GPC3: variants seen among roughly 807,000 people sequenced by gnomAD.
The protein encoded by GPC3 is glypican 3, also known as glypican-3.
In GPC3, 3 loss-of-function variants were observed where a neutral mutation model predicts 34.4. The observed-to-expected ratio is 0.09, with a 90% CI of 0.04 to 0.23. GPC3 has a LOEUF of 0.23. Among genes scored for constraint, GPC3 ranks in the 10% least tolerant of loss-of-function variants. The probability of loss-of-function intolerance (pLI) is 1.00; values close to 1 mark genes in which losing one functional copy is unlikely to be tolerated. For missense variants in GPC3, 351 were observed against 445.6 expected (o/e 0.79, Z 1.91); for synonymous variants, 177 against 174.0 (o/e 1.02, Z -0.13).
chrX:133,929,859 T>C (rs1167319585), intron 2 of GPC3, among the ~76,000 whole-genome samples: 1 of 112,010 alleles, frequency 8.9e-6, no homozygotes, highest in Non-Finnish European at 1.9e-5. Context: ...CACATGTTCT[T>C]TTCTATCAAA....
intron 1 of GPC3, among the ~76,000 whole-genome samples, chrX:133,959,944 T>C (rs1276413286): frequency 8.9e-6 from 1 of 111,807 alleles, no homozygotes; most frequent in Non-Finnish European, 1.9e-5. Context: ...TTAAAATGAG[T>C]GCATCTTATT....
intron 4 of GPC3, among the ~76,000 whole-genome samples, chrX:133,693,156 AGTGTGTGTGTGTGTGTGTGT>A (rs57735935): frequency 7.8e-5 from 7 of 89,400 alleles, no homozygotes; most frequent in African/African-American, 1.2e-4. Context: ...TAATAAGACA[AGTGTGTGTGTGTGTGTGTGT>A]GTGTGTGTGT....
chrX:133,659,079 T>C (rs1385779095), intron 6 of GPC3, among the ~76,000 whole-genome samples: 2 of 112,433 alleles, frequency 1.8e-5, no homozygotes, highest in Non-Finnish European at 3.8e-5. Flanking sequence ...GTCATGCACA[T>C]GCAATTACAT....
intron 2 of GPC3, among the ~76,000 whole-genome samples, chrX:133,826,747 A>G (rs1172282639): frequency 8.9e-6 from 1 of 111,925 alleles, no homozygotes; most frequent in East Asian, 2.8e-4. Context: ...ACACATCATA[A>G]TGAAACCTTT....
chrX:133,548,046 G>A (rs1321967339), intron 7 of GPC3, among the ~76,000 whole-genome samples: 2 of 111,058 alleles, frequency 1.8e-5, no homozygotes, highest in African/African-American at 3.3e-5. Context: ...AGGCTGCTAC[G>A]CTGAAACTGT....
chrX:133,677,227 C>G (rs1266585933), intron 5 of GPC3, among the ~76,000 whole-genome samples: 1 of 111,698 alleles, frequency 9.0e-6, no homozygotes, highest in Non-Finnish European at 1.9e-5. Flanking sequence ...TCCAATAATA[C>G]CTGGAGGAGT....
At chrX:133,570,808 A>G (rs985815745) in intron 7 of GPC3, among the ~76,000 whole-genome samples, 1 of 111,112 alleles carries the variant, frequency 9.0e-6, no homozygotes, top group African/African-American at 3.3e-5. Context: ...GGCCATCTTT[A>G]TATTGTTATA....
At chrX:133,882,547 G>A (rs1399500722) in intron 2 of GPC3, among the ~76,000 whole-genome samples, 3 of 111,307 alleles carry the variant, frequency 2.7e-5, no homozygotes, top group African/African-American at 9.8e-5. Context: ...GTGTGTGTGT[G>A]TGTGTGTGTG....
chrX:133,795,640 T>C (rs1465026167), intron 2 of GPC3, among the ~76,000 whole-genome samples: 3 of 111,967 alleles, frequency 2.7e-5, no homozygotes, highest in Non-Finnish European at 5.6e-5. Flanking sequence ...TAAATACCTA[T>C]GGACTCAAAA....
rs773144223 is a variant in GPC3, at chrX:133,985,431, T to A, written c.19A>T (p.Thr7Ser). The stretch of plus-strand genomic sequence containing the variant: ...AGCATCGCCACCACCAAGCACGCGG[T>A]GCGCACGGTCCCGGCCATCCTGCTT... The part of the protein sequence containing the change: MAGTVR[T>S]ACLVVAMLLS... Residue 7 changes from threonine to serine, a missense_variant, in exon 1 of 8, where the codon ACC (threonine) becomes TCC (serine). Transcript: ENST00000370818. 8.5e-7 allele frequency: 1 copy of A among 1,173,637 alleles called. No individual in the cohort carries two copies. Among genetic ancestry groups the A allele is most frequent in the African/African-American group, 1.8e-5 (1 of 56,380 alleles).
chrX:133,891,639 A>G (rs188408936), intron 2 of GPC3, among the ~76,000 whole-genome samples: 1,844 of 107,259 alleles, frequency 0.017, 24 homozygotes, highest in South Asian at 0.03. Flanking sequence ...TAAATAAATA[A>G]TTATTATAAT....
At chrX:133,959,364 C>T (rs779960206) in intron 1 of GPC3, among the ~76,000 whole-genome samples, 54 of 112,557 alleles carry the variant, frequency 4.8e-4, no homozygotes, top group African/African-American at 1.7e-3. Flanking sequence ...CAGGCCTAAT[C>T]CCTGTCCATA....
At chrX:133,964,595 G>A (rs1174916918) in intron 1 of GPC3, among the ~76,000 whole-genome samples, 1 of 111,781 alleles carries the variant, frequency 8.9e-6, no homozygotes, top group African/African-American at 3.3e-5. Flanking sequence ...TTTAGGTCAG[G>A]TAAAGGGGGA....
chrX:133,790,629 C>A (rs773275734), intron 2 of GPC3, among the ~76,000 whole-genome samples: 14 of 111,089 alleles, frequency 1.3e-4, no homozygotes, highest in Non-Finnish European at 5.7e-5. Context: ...AATGCTAAAC[C>A]AGTTACCCAC....
chrX:133,872,595 G>T (rs537786029), intron 2 of GPC3, among the ~76,000 whole-genome samples: 1 of 111,779 alleles, frequency 8.9e-6, no homozygotes, highest in African/African-American at 3.3e-5. Flanking sequence ...AGAGGGATGG[G>T]GATGGAGGGA....
At chrX:133,605,864 GTC>G (rs1411538918) in intron 6 of GPC3, among the ~76,000 whole-genome samples, 1 of 111,819 alleles carries the variant, frequency 8.9e-6, no homozygotes, top group Non-Finnish European at 1.9e-5. Context: ...TAAGATAAGA[GTC>G]TGTGTACCAA....
At chrX:133,747,552 G>A (rs1216134982) in intron 3 of GPC3, among the ~76,000 whole-genome samples, 1 of 111,814 alleles carries the variant, frequency 8.9e-6, no homozygotes, top group East Asian at 2.8e-4. Flanking sequence ...TCTGTGTTTG[G>A]GGAAAAAAGA....
intron 6 of GPC3, among the ~76,000 whole-genome samples, chrX:133,651,546 T>C (rs1448314153): frequency 5.4e-5 from 6 of 111,807 alleles, no homozygotes; most frequent in African/African-American, 2.0e-4. Context: ...TTTATCCCCA[T>C]GGGGATATTA....
chrX:133,550,033 T>C (rs1200430811), intron 7 of GPC3, among the ~76,000 whole-genome samples: 1 of 109,356 alleles, frequency 9.1e-6, no homozygotes, highest in African/African-American at 3.3e-5. Flanking sequence ...TGTTTTTTTT[T>C]AGACAGAGTT....
Sources: gnomAD v4.1 joint callset for allele counts (sites outside exome capture counted in the v4.1 genomes callset) on GRCh38, gnomAD v4.1.1 for gene constraint, MANE v1.5 for transcripts, NCBI Gene and HGNC (gene_info 2026-07-23, HGNC 2026-07-21) for gene names.